Variants in TSHZ3 observed in about 807,000 individuals in gnomAD.
TSHZ3 encodes the protein teashirt homolog 3.
A neutral mutation model predicts 64.5 loss-of-function variants in TSHZ3; 10 were observed. That is an observed-to-expected ratio of 0.16 (90% CI 0.10 to 0.26). The LOEUF is 0.26. Ranked by LOEUF, TSHZ3 falls within the 10% of genes least tolerant of loss-of-function variation. The probability of loss-of-function intolerance (pLI) is 1.00; values close to 1 mark genes in which losing one functional copy is unlikely to be tolerated. For missense variants in TSHZ3, 1,242 were observed against 1,421.7 expected (o/e 0.87, Z 2.03); for synonymous variants, 608 against 593.1 (o/e 1.03, Z -0.36).
chr19:31,237,236 T>C (rs796482658), intron 3 of TSHZ3, among the ~76,000 whole-genome samples: 21 of 152,328 alleles, frequency 1.4e-4, no homozygotes, highest in African/African-American at 3.8e-4. Context: ...TTATTGCCCC[T>C]TGATTCAGTT....
intron 4 of TSHZ3, among the ~76,000 whole-genome samples, chr19:31,226,570 T>C (rs2145172061): frequency 6.6e-6 from 1 of 152,294 alleles, no homozygotes; most frequent in South Asian, 2.1e-4. Context: ...AGGTATGTCT[T>C]TATCAGCAGC....
intron 1 of TSHZ3, among the ~76,000 whole-genome samples, chr19:31,313,048 A>C (rs1197382033): frequency 1.3e-5 from 2 of 152,190 alleles, no homozygotes; most frequent in Non-Finnish European, 2.9e-5. Context: ...AAGTTCAGGC[A>C]GTGCATGTGG....
At chr19:31,235,343 C>T (rs1355741750) in intron 3 of TSHZ3, among the ~76,000 whole-genome samples, 2 of 152,124 alleles carry the variant, frequency 1.3e-5, no homozygotes, top group Non-Finnish European at 2.9e-5. Context: ...CAACATTTCC[C>T]CATTTCCCCC....
chr19:31,203,695 A>G lies in TSHZ3; in HGVS notation n.809+1261T>C, dbSNP rs567004219. Among the ~76,000 whole-genome samples, 95 of 152,226 alleles carry G rather than the reference A, an allele frequency of 6.2e-4. No individual in the cohort carries two copies. The South Asian group carries it at 0.012, about 19-fold the overall frequency. On this transcript the variant is annotated intron_variant and non_coding_transcript_variant, in intron 5 of 6. Coordinates refer to the TSHZ3 transcript ENST00000651361. ...TCCCCTCAGGTGCTCACTCCTGAGCACACACACAGAGGGAAACGATGGGTG... is the reference window on the plus strand; with the variant it reads ...TCCCCTCAGGTGCTCACTCCTGAGCGCACACACAGAGGGAAACGATGGGTG...
intron 5 of TSHZ3, among the ~76,000 whole-genome samples, chr19:31,157,512 C>T (rs866168409): frequency 2.0e-5 from 3 of 152,158 alleles, no homozygotes; most frequent in African/African-American, 7.2e-5. Context: ...CAATCTAGCC[C>T]ATTACAGAAT....
At chr19:31,218,374 T>C (rs990929073) in intron 4 of TSHZ3, among the ~76,000 whole-genome samples, 4 of 152,220 alleles carry the variant, frequency 2.6e-5, no homozygotes, top group African/African-American at 9.6e-5. Context: ...TCTATTAGCA[T>C]GGCTGAAATT....
Position 31,157,863 on chromosome 19 carries a change from C to T in TSHZ3, n.810-1446G>A, listed in dbSNP as rs144292524. On this transcript the variant is annotated intron_variant and non_coding_transcript_variant, in intron 5 of 6. Transcript: ENST00000651361. The stretch of plus-strand genomic sequence containing the variant: ...GCTCCCAAGGGAGGTAGGCAGAGTC[C>T]GCAGGATGCAGGCCTCGATGTTTGA... Among the ~76,000 whole-genome samples the T allele has an allele frequency of 5.4e-4, 82 of 152,270 alleles. 1 individual carries two copies. The highest frequency in any genetic ancestry group is 1.9e-3 in the African/African-American group (77 of 41,554).
intron 5 of TSHZ3, among the ~76,000 whole-genome samples, chr19:31,175,199 G>A (rs1974590667): frequency 2.6e-5 from 4 of 152,162 alleles, no homozygotes; most frequent in African/African-American, 9.7e-5. Flanking sequence ...TCAGTTTCCT[G>A]CACAGCCAGC....
chr19:31,272,157 G>A (rs150445135), downstream of TSHZ3, among the ~76,000 whole-genome samples: 280 of 152,236 alleles, frequency 1.8e-3, no homozygotes, highest in Non-Finnish European at 2.7e-3. Flanking sequence ...CTGGCTTCCC[G>A]TCAGCTCCTG....
At chr19:31,238,752 T>C (rs533564832) in intron 3 of TSHZ3, among the ~76,000 whole-genome samples, 1 of 152,226 alleles carries the variant, frequency 6.6e-6, no homozygotes, top group Non-Finnish European at 1.5e-5. Context: ...TTTATCCATC[T>C]TTTACAGTCA....
At chr19:31,268,404 C>A (rs1239775215) in intron 1 of TSHZ3, among the ~76,000 whole-genome samples, 1 of 152,146 alleles carries the variant, frequency 6.6e-6, no homozygotes, top group African/African-American at 2.4e-5. Flanking sequence ...AACACAAGAG[C>A]CAAATGTCAA....
chr19:31,159,065 T>C (rs545815908), intron 5 of TSHZ3, among the ~76,000 whole-genome samples: 1 of 152,298 alleles, frequency 6.6e-6, no homozygotes, highest in South Asian at 2.1e-4. Flanking sequence ...AGTGGCGTGA[T>C]CTCAGCTCAC....
intron 5 of TSHZ3, among the ~76,000 whole-genome samples, chr19:31,161,669 T>C (rs1974375584): frequency 6.6e-6 from 1 of 152,208 alleles, no homozygotes; most frequent in Non-Finnish European, 1.5e-5. Context: ...GGCCACCTCC[T>C]GGGCCCTGAT....
exon 4 of TSHZ3, among the ~76,000 whole-genome samples, chr19:31,228,055 C>A (rs1349219192): frequency 1.3e-5 from 2 of 152,186 alleles, no homozygotes; most frequent in African/African-American, 4.8e-5. Flanking sequence ...CATTCTCACT[C>A]CTAACATTCT....
At chr19:31,215,065 G>T (rs79082826) in intron 4 of TSHZ3, among the ~76,000 whole-genome samples, 1 of 152,038 alleles carries the variant, frequency 6.6e-6, no homozygotes, top group African/African-American at 2.4e-5. Context: ...GAAGATATTC[G>T]GTTGGTTGGC....
intron 5 of TSHZ3, among the ~76,000 whole-genome samples, chr19:31,158,538 C>CT (rs1974334013): frequency 6.6e-6 from 1 of 152,134 alleles, no homozygotes; most frequent in South Asian, 2.1e-4. Flanking sequence ...CTTTTTGGTA[C>CT]TAGGGACTGG....
chr19:31,279,604 C>G lies in TSHZ3; in HGVS notation c.189G>C (p.Pro63=). 1 of 1,612,038 alleles carries G rather than the reference C, an allele frequency of 6.2e-7. No homozygotes were observed. The highest frequency in any genetic ancestry group is 8.5e-7 in the Non-Finnish European group (1 of 1,178,726). ...TTTCATGGCAGGAAAACTCGGCGGCCGGGGAGTTCTGGTAGCTGGGGCAGG... is the reference window on the plus strand; with the variant it reads ...TTTCATGGCAGGAAAACTCGGCGGCGGGGGAGTTCTGGTAGCTGGGGCAGG... ...ARACPSYQNS[P]AAEFSCHEMD... The change falls in exon 2 of 2, where the codon CCG becomes CCC. Residue 63 remains proline (P), a synonymous_variant. Coordinates refer to ENST00000240587, the MANE Select transcript of TSHZ3 (RefSeq NM_020856.4). This position sits in a 1 kb window ranked among gnomAD's most constrained non-coding sequence, Gnocchi z 6.4.
intron 5 of TSHZ3, among the ~76,000 whole-genome samples, chr19:31,193,912 A>G (rs1411369186): frequency 3.3e-5 from 5 of 152,194 alleles, no homozygotes; most frequent in Non-Finnish European, 2.9e-5. Flanking sequence ...TTCTGGTTCA[A>G]TGAGGAGCTT....
At chr19:31,255,852 T>C (rs1036625288) in intron 1 of TSHZ3, among the ~76,000 whole-genome samples, 35 of 152,272 alleles carry the variant, frequency 2.3e-4, no homozygotes, top group Admixed American at 2.0e-4. Flanking sequence ...GCCAATCCTG[T>C]TCAAGTGTTG....
Sources: gnomAD v4.1 joint callset for allele counts (sites outside exome capture counted in the v4.1 genomes callset) on GRCh38, gnomAD v4.1.1 for gene constraint, Gnocchi (gnomAD v3.1) non-coding constraint, MANE v1.5 for transcripts, NCBI Gene and HGNC (gene_info 2026-07-23, HGNC 2026-07-21) for gene names.